Variants in TMTC2 observed in about 807,000 individuals in gnomAD.
The protein encoded by TMTC2 is transmembrane O-mannosyltransferase targeting cadherins 2.
In TMTC2, 43 loss-of-function variants were observed where a neutral mutation model predicts 82.4. The observed-to-expected ratio is 0.52, with a 90% CI of 0.41 to 0.67. The LOEUF (loss-of-function observed/expected upper bound fraction) is 0.67. Among genes scored for constraint, TMTC2 ranks in the 30% least tolerant of loss-of-function variants. TMTC2 has a pLI of 0.00. For missense variants in TMTC2, 919 were observed against 1,012.4 expected (o/e 0.91, Z 1.25); for synonymous variants, 408 against 381.9 (o/e 1.07, Z -0.80).
intron 9 of TMTC2, among the ~76,000 whole-genome samples, chr12:83,042,552 C>G (rs1000225702): frequency 4.6e-5 from 7 of 152,102 alleles, no homozygotes; most frequent in African/African-American, 7.2e-5. Context: ...AATTGTGTTA[C>G]CTTCCATTCC....
At position 83,007,069 on chromosome 12, in the gene TMTC2, A is replaced by G. The variant is rs189333043; in HGVS notation, c.2070+21023A>G. 2.6e-5 allele frequency among the ~76,000 whole-genome samples: 4 copies of G among 152,156 alleles called. No homozygotes were observed. The East Asian group carries it at 7.8e-4, about 29-fold the overall frequency. ...TGTAACAAACCTGCACATTGTGCAC[A>G]TGTACCCTAGAACTTAAAGTATAAT... On this transcript the variant is annotated intron_variant, in intron 8 of 11. Coordinates refer to ENST00000321196, the MANE Select transcript of TMTC2 (RefSeq NM_152588.3).
intron 1 of TMTC2, among the ~76,000 whole-genome samples, chr12:82,779,364 G>A (rs978661241): frequency 2.6e-5 from 4 of 152,036 alleles, no homozygotes; most frequent in African/African-American, 9.7e-5. Context: ...CACTCAGATA[G>A]CAAATAAGAA....
intron 4 of TMTC2, among the ~76,000 whole-genome samples, chr12:82,957,791 C>T (rs185621779): frequency 3.9e-4 from 59 of 152,012 alleles, no homozygotes; most frequent in African/African-American, 1.4e-3. Context: ...CACACAGTTT[C>T]ACAAGATTGA....
At chr12:83,062,088 T>A (rs1324350108) in intron 11 of TMTC2, among the ~76,000 whole-genome samples, 21 of 151,790 alleles carry the variant, frequency 1.4e-4, no homozygotes. Flanking sequence ...AACATAAGAT[T>A]TTTATCACTT....
In TMTC2 at chr12:82,930,466, A is replaced by G. The variant is rs1312745941; in HGVS notation, c.1519A>G (p.Ser507Gly). 1 of 1,605,522 alleles carries G rather than the reference A, an allele frequency of 6.2e-7. No homozygotes were observed. The highest frequency in any genetic ancestry group is 2.2e-5 in the East Asian group (1 of 44,646). The change falls in exon 4 of 12, where the codon AGC becomes GGC. Residue 507 changes from serine to glycine, a missense_variant. Physicochemically the swap from Ser to Gly is moderately conservative, Grantham distance 56 (BLOSUM62 0). Transcript: ENST00000321196. ...GNLGNVLKSQ[S>G]KISEAESAYR... ...CCTTGGAAATGTTCTGAAGAGTCAG[A>G]GCAAAATTTCTGAAGCTGAAAGCGC...
intron 1 of TMTC2, among the ~76,000 whole-genome samples, chr12:82,790,783 C>T (rs773996148): frequency 1.9e-4 from 29 of 149,818 alleles, no homozygotes; most frequent in Non-Finnish European, 3.5e-4. Context: ...GCTGAGATCG[C>T]GCCTTTGCAC....
At chr12:82,720,273 T>C (rs1874142781) in intron 1 of TMTC2, among the ~76,000 whole-genome samples, 1 of 152,162 alleles carries the variant, frequency 6.6e-6, no homozygotes, top group Admixed American at 6.5e-5. Context: ...ATACTGTCTA[T>C]ATAAGTTTGC....
intron 4 of TMTC2, among the ~76,000 whole-genome samples, chr12:82,949,500 A>T (rs1313800994): frequency 6.6e-6 from 1 of 152,184 alleles, no homozygotes; most frequent in Non-Finnish European, 1.5e-5. Flanking sequence ...AAATTAAATT[A>T]TCTGGCAACC....
At chr12:82,901,602 A>C (rs1874025115) in intron 3 of TMTC2, among the ~76,000 whole-genome samples, 3 of 151,950 alleles carry the variant, frequency 2.0e-5, no homozygotes, top group Admixed American at 2.0e-4. Flanking sequence ...ATATTAGTAA[A>C]AGACTCTCAC....
intron 8 of TMTC2, among the ~76,000 whole-genome samples, chr12:82,987,489 C>T (rs1361053861): frequency 6.6e-6 from 1 of 150,376 alleles, no homozygotes; most frequent in African/African-American, 2.4e-5. Context: ...GAAAACATCC[C>T]ACTAAAAATA....
At chr12:82,931,859 C>A (rs921872837) in intron 4 of TMTC2, among the ~76,000 whole-genome samples, 5 of 152,084 alleles carry the variant, frequency 3.3e-5, no homozygotes, top group African/African-American at 9.7e-5. Context: ...TGGACTGACC[C>A]TCCTGCAGTT....
chr12:82,946,321 A>C (rs1796168), intron 4 of TMTC2, among the ~76,000 whole-genome samples: 1 of 152,202 alleles, frequency 6.6e-6, no homozygotes, highest in African/African-American at 2.4e-5. Flanking sequence ...TCAATAAATA[A>C]TAGTTGCATG....
At chr12:82,966,640 A>C (rs1383310649) in intron 6 of TMTC2, among the ~76,000 whole-genome samples, 1 of 152,044 alleles carries the variant, frequency 6.6e-6, no homozygotes, top group Admixed American at 6.6e-5. Context: ...TTTTTAGTTG[A>C]GTAATCTGCA....
chr12:82,949,502 C>G (rs1877232347), intron 4 of TMTC2, among the ~76,000 whole-genome samples: 1 of 152,136 alleles, frequency 6.6e-6, no homozygotes, highest in Non-Finnish European at 1.5e-5. Context: ...ATTAAATTAT[C>G]TGGCAACCTT....
intron 11 of TMTC2, among the ~76,000 whole-genome samples, chr12:83,098,711 A>G (rs2137530243): frequency 6.6e-6 from 1 of 151,820 alleles, no homozygotes; most frequent in East Asian, 1.9e-4. Context: ...GGGGGACCCG[A>G]CCCCCACCTT....
At chr12:82,998,714 A>C (rs1879784534) in intron 8 of TMTC2, among the ~76,000 whole-genome samples, 1 of 152,002 alleles carries the variant, frequency 6.6e-6, no homozygotes, top group Admixed American at 6.6e-5. Context: ...GGATGCTCTC[A>C]CCCTCCACAT....
chr12:82,695,715 A>G (rs1182724935), intron 1 of TMTC2, among the ~76,000 whole-genome samples: 2 of 152,146 alleles, frequency 1.3e-5, no homozygotes, highest in Non-Finnish European at 2.9e-5. Context: ...ATCCCTGCAA[A>G]TTGTGTCCTC....
intron 1 of TMTC2, among the ~76,000 whole-genome samples, chr12:82,688,923 G>A (rs976354088): frequency 6.6e-6 from 1 of 152,194 alleles, no homozygotes; most frequent in African/African-American, 2.4e-5. Context: ...TCACATCTCT[G>A]TTAAAAAATC....
chr12:82,918,139 G>A (rs1875127732), intron 3 of TMTC2, among the ~76,000 whole-genome samples: 1 of 151,356 alleles, frequency 6.6e-6, no homozygotes, highest in Admixed American at 6.6e-5. Flanking sequence ...TGAACTCCTG[G>A]ACTCAAGCAA....
Sources: gnomAD v4.1 joint callset for allele counts (sites outside exome capture counted in the v4.1 genomes callset) on GRCh38, gnomAD v4.1.1 for gene constraint, MANE v1.5 for transcripts, NCBI Gene and HGNC (gene_info 2026-07-23, HGNC 2026-07-21) for gene names.